The following MOGAT1 variants were observed in gnomAD, a reference collection of about 807,000 sequenced individuals.
MOGAT1 encodes monoacylglycerol O-acyltransferase 1.
A neutral mutation model predicts 31.4 loss-of-function variants in MOGAT1; 32 were observed. The ratio of observed to expected loss-of-function variants is 1.02; its 90% CI spans 0.77 to 1.37. The LOEUF is 1.37. MOGAT1 is among the 40% of genes most tolerant of loss of function. The pLI, the probability that MOGAT1 is intolerant of heterozygous loss-of-function variation, is 0.00. For missense variants in MOGAT1, 426 were observed against 402.0 expected, an observed-to-expected ratio of 1.06 and a Z score of -0.51; for synonymous variants, 145 against 144.5, an observed-to-expected ratio of 1.00 and a Z score of -0.03.
At chr2:222,709,671 A>G in intron 5 of MOGAT1, 65 bp from the exon 6 acceptor site, 1 of 1,464,238 alleles carries the variant, frequency 6.8e-7, no homozygotes, top group South Asian at 1.3e-5. Flanking sequence ...GCTGTGCATT[A>G]GGGGCGGCGG....
intron 5 of MOGAT1, among the ~76,000 whole-genome samples, chr2:222,700,004 A>G (rs890145388): frequency 6.6e-6 from 1 of 152,240 alleles, no homozygotes; most frequent in African/African-American, 2.4e-5. Flanking sequence ...TAAGTTTGCA[A>G]TGGTATTGTT....
rs1189793898 is a variant in MOGAT1, at chr2:222,680,308, A to C, written c.95-8036A>C. On this transcript the variant is annotated intron_variant, in intron 1 of 5. Transcript: ENST00000446656. ...TTGTGTTTATAGAAACCTTCCTGAA[A>C]GATTTAGAACATGGGGCTGGTTTCA... Among the ~76,000 whole-genome samples the C allele has an allele frequency of 2.0e-5, 3 of 152,354 alleles. No individual in the cohort carries two copies. The East Asian group carries it at 5.8e-4, about 29-fold the overall frequency.
intron 5 of MOGAT1, among the ~76,000 whole-genome samples, chr2:222,709,182 G>A (rs1693074960): frequency 6.6e-6 from 1 of 152,158 alleles, no homozygotes; most frequent in African/African-American, 2.4e-5. Flanking sequence ...GCCGGGCATG[G>A]TGGTGGGAGC....
At chr2:222,681,574 T>A (rs1460485143) in intron 1 of MOGAT1, among the ~76,000 whole-genome samples, 3 of 152,138 alleles carry the variant, frequency 2.0e-5, no homozygotes, top group Non-Finnish European at 4.4e-5. Context: ...TATGGAGCCT[T>A]CCTCATTTAG....
chr2:222,675,610 T>G (rs914735183), intron 1 of MOGAT1, among the ~76,000 whole-genome samples: 14 of 151,748 alleles, frequency 9.2e-5, no homozygotes, highest in East Asian at 1.9e-4. Context: ...CTCCTGAGTA[T>G]CTGGGACTAC....
intron 5 of MOGAT1, among the ~76,000 whole-genome samples, chr2:222,703,387 T>G (rs897372653): frequency 1.3e-5 from 2 of 151,966 alleles, no homozygotes; most frequent in African/African-American, 2.4e-5. Context: ...TACCTGAGGG[T>G]TTTTTTGTTT....
intron 5 of MOGAT1, among the ~76,000 whole-genome samples, chr2:222,707,413 G>A (rs1204078772): frequency 2.7e-5 from 4 of 150,648 alleles, no homozygotes; most frequent in Non-Finnish European, 5.9e-5. Flanking sequence ...GGGAAGGGAG[G>A]GAAGGGAGGG....
intron 1 of MOGAT1, among the ~76,000 whole-genome samples, chr2:222,673,296 C>T (rs1467953477): frequency 2.2e-5 from 3 of 138,126 alleles, no homozygotes; most frequent in Non-Finnish European, 4.6e-5. Context: ...AAGAACTCTC[C>T]GAGTGACTCT....
At chr2:222,708,260 T>A (rs187137459) in intron 5 of MOGAT1, among the ~76,000 whole-genome samples, 2 of 152,220 alleles carry the variant, frequency 1.3e-5, no homozygotes, top group East Asian at 3.9e-4. Context: ...ATTTTTGTAT[T>A]TTTAGTAGAG....
intron 1 of MOGAT1, among the ~76,000 whole-genome samples, chr2:222,677,464 T>C (rs995376991): frequency 2.0e-5 from 3 of 152,224 alleles, no homozygotes; most frequent in Non-Finnish European, 4.4e-5. Flanking sequence ...ATCAGAAATT[T>C]TGAAGCAGCC....
intron 1 of MOGAT1, among the ~76,000 whole-genome samples, chr2:222,684,511 T>G (rs953099229): frequency 6.6e-6 from 1 of 152,198 alleles, no homozygotes; most frequent in East Asian, 1.9e-4. Context: ...TTAGAACAAC[T>G]TCTTTGGATA....
intron 5 of MOGAT1, among the ~76,000 whole-genome samples, chr2:222,704,801 A>G (rs951254726): frequency 2.6e-5 from 4 of 152,132 alleles, no homozygotes; most frequent in Non-Finnish European, 5.9e-5. Flanking sequence ...AAATGTGATG[A>G]AAGCTTATAA....
At chr2:222,695,709 CT>C (rs1013246665) in intron 5 of MOGAT1, among the ~76,000 whole-genome samples, 1,548 of 150,694 alleles carry the variant, frequency 0.01, 26 homozygotes, top group African/African-American at 0.036. Context: ...ATAGCAAAAG[CT>C]TTTTTTTTGC....
chr2:222,697,660 G>A (rs1439703069), intron 5 of MOGAT1, among the ~76,000 whole-genome samples: 10 of 134,636 alleles, frequency 7.4e-5, no homozygotes, highest in Admixed American at 8.6e-5. Context: ...TGCAACCTCC[G>A]CCTCCTGGGT....
At chr2:222,701,600 G>GAAAGAA (rs1167442466) in intron 5 of MOGAT1, among the ~76,000 whole-genome samples, 40 of 145,876 alleles carry the variant, frequency 2.7e-4, no homozygotes, top group Admixed American at 2.0e-3. Context: ...GAAAGAAAGG[G>GAAAGAA]AGGGAGGGAG....
rs147451576 is a variant in MOGAT1, at chr2:222,705,624, GT to G, written c.854-4109del. On this transcript the variant is annotated intron_variant, in intron 5 of 5. Transcript: ENST00000446656. ...TTATATTTCTGACACCGTCATTCGG[GT>G]TTGTGGTGTTTTTCCATGGGCTGGC... is the stretch of plus-strand genomic sequence containing the variant. 8.4e-3 allele frequency among the ~76,000 whole-genome samples: 1,277 copies of G among 152,290 alleles called. 19 individuals are homozygous for G. Among genetic ancestry groups the G allele is most frequent in the African/African-American group, 0.029 (1,211 of 41,560 alleles).
chr2:222,696,079 T>G (rs528182877), intron 5 of MOGAT1, among the ~76,000 whole-genome samples: 3 of 152,378 alleles, frequency 2.0e-5, no homozygotes, highest in Admixed American at 2.0e-4. Context: ...TCCAGGTTGC[T>G]GAAAATGCCA....
chr2:222,698,278 C>T lies in MOGAT1; in HGVS notation c.853+2990C>T, dbSNP rs201325263. Among the ~76,000 whole-genome samples the T allele has an allele frequency of 2.0e-5, 3 of 152,154 alleles. No homozygotes were observed. The East Asian group carries it at 5.8e-4, about 29-fold the overall frequency. ...GTATTTCCTTTACTTCAAAAAGTTT[C>T]TCAATCCCCCAAGTGTAAGGGTGAC... On this transcript the variant is annotated intron_variant, in intron 5 of 5. Transcript: ENST00000446656.
At chr2:222,692,298 A>T (rs1167939623) in intron 3 of MOGAT1, among the ~76,000 whole-genome samples, 1 of 152,236 alleles carries the variant, frequency 6.6e-6, no homozygotes, top group African/African-American at 2.4e-5. Context: ...TCTAAGACTT[A>T]ATGATTGATT....
Sources: allele counts gnomAD v4.1 joint callset (sites outside exome capture counted in the v4.1 genomes callset), GRCh38; gene constraint gnomAD v4.1.1; transcripts MANE v1.5; gene names NCBI Gene and HGNC (gene_info 2026-07-23, HGNC 2026-07-21).